Variants in SGIP1 observed in about 807,000 individuals in gnomAD.
The protein encoded by SGIP1 is SH3-containing GRB2-like protein 3-interacting protein 1.
SGIP1 carries 38 observed loss-of-function variants against 107.5 expected under a neutral mutation model. The observed-to-expected ratio is 0.35, with a 90% CI of 0.27 to 0.46. The LOEUF is 0.46. SGIP1 is among the 20% of genes least tolerant of loss of function. The pLI is 1.00. For missense variants in SGIP1, 929 were observed against 1,019.5 expected, an observed-to-expected ratio of 0.91 and a Z score of 1.21; for synonymous variants, 365 against 366.1, an observed-to-expected ratio of 1.00 and a Z score of 0.03.
At chr1:66,597,491 G>C (rs12037314) in intron 1 of SGIP1, among the ~76,000 whole-genome samples, 1 of 152,184 alleles carries the variant, frequency 6.6e-6, no homozygotes, top group Non-Finnish European at 1.5e-5. Flanking sequence ...GAGGTAGGGG[G>C]AGTATTCTGC....
In SGIP1 at chr1:66,549,103, G is replaced by A. The variant is rs114298711; in HGVS notation, c.10+14735G>A. On this transcript the variant is annotated intron_variant, in intron 1 of 24. Coordinates refer to ENST00000371037, the MANE Select transcript of SGIP1 (RefSeq NM_032291.4). ...GAGACTTGCTGGCTGTGCCCCCCTG[G>A]GCAAGCCTGAGCTTAAGCTCCTTCT... 4.4e-3 allele frequency among the ~76,000 whole-genome samples: 674 copies of A among 151,876 alleles called. 5 individuals are homozygous for A. The highest frequency in any genetic ancestry group is 0.015 in the African/African-American group (623 of 41,352).
Position 66,739,495 on chromosome 1 carries a change from G to A in SGIP1, c.2192G>A (p.Gly731Glu), listed in dbSNP as rs746968981. 2 of 1,614,114 alleles carry A rather than the reference G, an allele frequency of 1.2e-6. No individual in the cohort carries two copies. The highest frequency in any genetic ancestry group is 4.5e-5 in the East Asian group (2 of 44,876). ...GTGCAGTTCCTGGTCCCCATCGACG[G>A]AGGAGTCACCAAGCTCCAGGCAGTG... The part of the protein sequence containing the change: ...NNVQFLVPID[G>E]GVTKLQAVLP... The change falls in exon 22 of 25, where the codon GGA becomes GAA. Residue 731 changes from glycine (G) to glutamate (E), a missense_variant. Coordinates refer to ENST00000371037, the MANE Select transcript of SGIP1 (RefSeq NM_032291.4).
At chr1:66,602,290 A>AAT (rs558328993) in intron 1 of SGIP1, among the ~76,000 whole-genome samples, 37 of 152,186 alleles carry the variant, frequency 2.4e-4, no homozygotes, top group Non-Finnish European at 4.4e-4. Flanking sequence ...GAGCTTCCCA[A>AAT]ATACTGAGCC....
chr1:66,549,193 T>TC (rs552927668), intron 1 of SGIP1, among the ~76,000 whole-genome samples: 4 of 148,686 alleles, frequency 2.7e-5, no homozygotes, highest in Non-Finnish European at 4.5e-5. Context: ...CTTCCTTCCT[T>TC]CCTTCCCTTC....
chr1:66,740,984 C>T lies in SGIP1; in HGVS notation c.2299+262C>T, dbSNP rs1009106430. 2.0e-5 allele frequency among the ~76,000 whole-genome samples: 3 copies of T among 152,198 alleles called. No homozygotes were observed. In the East Asian group the frequency reaches 5.8e-4, roughly 29 times the overall value. ...TTTCCATCCTGTGTCAGATTCCACG[C>T]TCCCTGATTAGATATTTTTCACTCT... On this transcript the variant is annotated intron_variant, in intron 23 of 24. Transcript: ENST00000371037.
At chr1:66,534,102 C>T, upstream of SGIP1, 1 of 575,840 alleles carries the variant, frequency 1.7e-6, no homozygotes, top group South Asian at 2.1e-5. Context: ...GCCGAGGCAG[C>T]GCAGGCGGTG....
At chr1:66,703,876 G>C (rs2092247676) in intron 18 of SGIP1, among the ~76,000 whole-genome samples, 1 of 106,886 alleles carries the variant, frequency 9.4e-6, no homozygotes, top group African/African-American at 3.1e-5. Context: ...AAAGAACTCT[G>C]TGTGTGTGTG....
At chr1:66,601,773 A>G (rs1364617547) in intron 1 of SGIP1, among the ~76,000 whole-genome samples, 1 of 152,184 alleles carries the variant, frequency 6.6e-6, no homozygotes, top group East Asian at 1.9e-4. Context: ...AAGGAGCCCT[A>G]CTTTTTTTAC....
chr1:66,728,679 A>G (rs2093870837), intron 19 of SGIP1, among the ~76,000 whole-genome samples: 1 of 152,218 alleles, frequency 6.6e-6, no homozygotes, highest in Non-Finnish European at 1.5e-5. Flanking sequence ...ACTCTTCACA[A>G]TAGCTAAGAC....
intron 7 of SGIP1, among the ~76,000 whole-genome samples, chr1:66,647,649 A>G (rs2077885723): frequency 6.6e-6 from 1 of 152,180 alleles, no homozygotes. Flanking sequence ...CCCAGTACCT[A>G]TTAAATCCAG....
At chr1:66,577,873 AT>A (rs2061300957) in intron 1 of SGIP1, among the ~76,000 whole-genome samples, 1 of 151,312 alleles carries the variant, frequency 6.6e-6, no homozygotes, top group Non-Finnish European at 1.5e-5. Flanking sequence ...ACATTTTGAA[AT>A]TTTTCTTTTT....
intron 7 of SGIP1, chr1:66,660,023 G>A (rs1398403134): frequency 5.4e-5 from 6 of 111,682 alleles, no homozygotes; most frequent in Non-Finnish European, 4.6e-5. Flanking sequence ...AGACAGGAAG[G>A]AAGGAAGGAA....
At position 66,585,570 on chromosome 1, in the gene SGIP1, T is replaced by TTGTGTGTGTG. The variant is rs113981156; in HGVS notation, c.11-40263_11-40254dup. 9.4e-3 allele frequency among the ~76,000 whole-genome samples: 1,408 copies of TTGTGTGTGTG among 150,030 alleles called. 20 individuals are homozygous for TTGTGTGTGTG. The highest frequency in any genetic ancestry group is 0.026 in the East Asian group (134 of 5,098). The stretch of plus-strand genomic sequence containing the variant: ...GAAAAATTAAAAAGAGCTTTGGAGT[T>TTGTGTGTGTG]TGTGTGTGTGTGTGTGTGTGTGTTT... On this transcript the variant is annotated intron_variant, in intron 1 of 24. Coordinates refer to ENST00000371037, the MANE Select transcript of SGIP1 (RefSeq NM_032291.4).
At chr1:66,604,266 C>T (rs1255412287) in intron 1 of SGIP1, among the ~76,000 whole-genome samples, 1 of 152,042 alleles carries the variant, frequency 6.6e-6, no homozygotes, top group Non-Finnish European at 1.5e-5. Flanking sequence ...TTCTGAGTTT[C>T]GTCTCATAAT....
intron 21 of SGIP1, among the ~76,000 whole-genome samples, chr1:66,735,395 G>A (rs907314132): frequency 2.6e-5 from 4 of 151,406 alleles, no homozygotes; most frequent in Non-Finnish European, 5.9e-5. Context: ...TTGTATTTTC[G>A]ATAGAGACGG....
At chr1:66,625,708 C>T in intron 1 of SGIP1, 139 bp from the exon 2 acceptor site, 1 of 625,986 alleles carries the variant, frequency 1.6e-6, no homozygotes, top group South Asian at 2.5e-5. Context: ...GACATGCAGA[C>T]ACACATACCT....
chr1:66,722,356 C>G (rs79575824), intron 19 of SGIP1, among the ~76,000 whole-genome samples: 1 of 152,156 alleles, frequency 6.6e-6, no homozygotes, highest in Non-Finnish European at 1.5e-5. Context: ...ACCTCATGTT[C>G]TCTGTCTCCA....
At chr1:66,545,913 A>C (rs1327050996) in intron 1 of SGIP1, among the ~76,000 whole-genome samples, 1 of 152,160 alleles carries the variant, frequency 6.6e-6, no homozygotes, top group Non-Finnish European at 1.5e-5. Context: ...ACCAAGGACT[A>C]TGCCACAGTA....
At chr1:66,558,767 G>C (rs2058531488) in intron 1 of SGIP1, among the ~76,000 whole-genome samples, 1 of 151,232 alleles carries the variant, frequency 6.6e-6, no homozygotes, top group Non-Finnish European at 1.5e-5. Context: ...AATAATGTCT[G>C]GTTTTGTGGG....
Sources: allele counts gnomAD v4.1 joint callset (sites outside exome capture counted in the v4.1 genomes callset), GRCh38; gene constraint gnomAD v4.1.1; transcripts MANE v1.5; gene names NCBI Gene and HGNC (gene_info 2026-07-23, HGNC 2026-07-21).